Variants in TMEM44 observed in about 807,000 individuals in gnomAD.
TMEM44 encodes transmembrane protein 44.
In TMEM44, 43 loss-of-function variants were observed where a neutral mutation model predicts 47.8. The observed-to-expected ratio is 0.90, with a 90% CI of 0.70 to 1.16. TMEM44 has a LOEUF of 1.16. Among genes scored for constraint, TMEM44 ranks in the 50% most tolerant of loss-of-function variants. TMEM44 has a pLI of 0.00. For missense variants in TMEM44, 568 were observed against 555.2 expected (o/e 1.02, Z -0.23); for synonymous variants, 277 against 238.8 (o/e 1.16, Z -1.48).
chr3:194,598,961 G>C (rs952447885), intron 9 of TMEM44, among the ~76,000 whole-genome samples: 2 of 152,222 alleles, frequency 1.3e-5, no homozygotes, highest in Non-Finnish European at 2.9e-5. Flanking sequence ...GAGTTGGTGA[G>C]TAACAGACAG....
chr3:194,604,661 C>T (rs1714579073), intron 8 of TMEM44, among the ~76,000 whole-genome samples: 1 of 152,214 alleles, frequency 6.6e-6, no homozygotes, highest in Non-Finnish European at 1.5e-5. Context: ...ACACATACAA[C>T]CAAATCCACG....
At position 194,633,189 on chromosome 3, in the gene TMEM44, G is replaced by C. The variant is rs368934218; in HGVS notation, c.27C>G (p.Pro9=). ...CCAGGTAGTCCCAGTCCCAGAGCGC[G>C]GGCGCGGGGCTGGGCGCCTCCCCCA... The part of the protein sequence containing the change: MGEAPSPA[P]ALWDWDYLDR... Residue 9 remains proline, a synonymous_variant, in exon 1 of 10, where the codon CCC becomes CCG. Coordinates refer to ENST00000347147, the MANE Select transcript of TMEM44 (RefSeq NM_001011655.3). The C allele has an allele frequency of 2.6e-6, 4 of 1,528,060 alleles. No individual in the cohort carries two copies. Among genetic ancestry groups the C allele is most frequent in the Non-Finnish European group, 3.5e-6 (4 of 1,137,334 alleles). 94.7% of individuals were successfully genotyped at this position (1,528,060 alleles called of 1,614,324 possible).
At chr3:194,594,129 A>G (rs534055104) in intron 9 of TMEM44, among the ~76,000 whole-genome samples, 2,173 of 121,692 alleles carry the variant, frequency 0.018, 31 homozygotes, top group African/African-American at 0.04. Flanking sequence ...CTATCTATCT[A>G]TCTATCTATC....
chr3:194,614,053 C>T lies in TMEM44; in HGVS notation c.912+1516G>A, dbSNP rs1026131177. ...AGGAGAATCGCTTGAACCCGGGAGG[C>T]GGAGGTTGTGGTGAGCCGAGATCGT... On this transcript the variant is annotated intron_variant, in intron 7 of 9. Transcript: ENST00000347147. Among the ~76,000 whole-genome samples the T allele has an allele frequency of 3.3e-5, 5 of 151,934 alleles. No homozygotes were observed. In the East Asian group the frequency reaches 5.9e-4, roughly 18 times the overall value.
chr3:194,605,445 G>T (rs923389461), intron 8 of TMEM44, among the ~76,000 whole-genome samples: 5 of 152,348 alleles, frequency 3.3e-5, no homozygotes, highest in East Asian at 1.9e-4. Flanking sequence ...AGGTTTAATG[G>T]ACTTACAGTT....
chr3:194,624,095 G>T (rs1187899652), intron 3 of TMEM44, among the ~76,000 whole-genome samples: 1 of 152,214 alleles, frequency 6.6e-6, no homozygotes, highest in African/African-American at 2.4e-5. Flanking sequence ...ATCGACCCGT[G>T]AATCAGCGAT....
chr3:194,597,804 C>T (rs1376844929), intron 9 of TMEM44, among the ~76,000 whole-genome samples: 1 of 152,170 alleles, frequency 6.6e-6, no homozygotes, highest in Non-Finnish European at 1.5e-5. Flanking sequence ...AATGGGATAT[C>T]CTCAGCAGTT....
At chr3:194,617,670 G>A (rs116803428) in intron 5 of TMEM44, 10,720 of 703,948 alleles carry the variant, frequency 0.015, 124 homozygotes, top group Middle Eastern at 0.027. Context: ...CTGGGCAGCG[G>A]CTCGCCAATG....
intron 8 of TMEM44, among the ~76,000 whole-genome samples, chr3:194,609,686 G>A (rs1048142907): frequency 6.6e-6 from 1 of 151,506 alleles, no homozygotes; most frequent in African/African-American, 2.4e-5. Context: ...TCCCTCACCC[G>A]CACCTCCTCA....
rs575171230 is a variant in TMEM44 at position 194,614,318 on chromosome 3, G to A, written c.912+1251C>T. Among the ~76,000 whole-genome samples, 7 of 152,302 alleles carry A rather than the reference G, an allele frequency of 4.6e-5. No individual in the cohort carries two copies. In the South Asian group the frequency reaches 1.2e-3, roughly 27 times the overall value. ...GCATGACGACAGGCTCTGGAGCACC[G>A]TGTTAGGTGGTGGTAATGATGTGGA... is the stretch of plus-strand genomic sequence containing the variant. On this transcript the variant is annotated intron_variant, in intron 7 of 9. Coordinates refer to ENST00000347147, the MANE Select transcript of TMEM44 (RefSeq NM_001011655.3).
intron 6 of TMEM44, 139 bp from the exon 7 acceptor site, chr3:194,615,836 G>A: frequency 8.3e-7 from 1 of 1,202,406 alleles, no homozygotes; most frequent in Non-Finnish European, 1.2e-6. Context: ...GCCTGGGACA[G>A]AGAGGAGCTC....
intron 9 of TMEM44, among the ~76,000 whole-genome samples, chr3:194,593,426 TGAG>T (rs1473400907): frequency 2.0e-5 from 3 of 152,206 alleles, no homozygotes; most frequent in African/African-American, 7.2e-5. Context: ...ACCACATGGC[TGAG>T]ATGATTCAAC....
intron 8 of TMEM44, 136 bp from the exon 9 acceptor site, chr3:194,604,581 G>T: frequency 8.5e-7 from 1 of 1,169,910 alleles, no homozygotes; most frequent in Non-Finnish European, 1.2e-6. Flanking sequence ...GTGCTCTCCT[G>T]CCCTGGCCAT....
intron 7 of TMEM44, among the ~76,000 whole-genome samples, 171 bp downstream of exon 7, chr3:194,615,398 T>C (rs953279422): frequency 2.6e-5 from 4 of 152,174 alleles, no homozygotes; most frequent in Non-Finnish European, 5.9e-5. Context: ...TGTCATGTGT[T>C]AGGTTTGGCC....
At chr3:194,617,579 A>G in intron 5 of TMEM44, 1 of 683,194 alleles carries the variant, frequency 1.5e-6, no homozygotes, top group South Asian at 1.6e-5. Context: ...TTGATTGATC[A>G]TGACTCAGCT....
intron 9 of TMEM44, among the ~76,000 whole-genome samples, chr3:194,602,027 C>T (rs1244423330): frequency 6.6e-6 from 1 of 152,226 alleles, no homozygotes; most frequent in African/African-American, 2.4e-5. Context: ...CCATCATGCT[C>T]ACTCCGGTCC....
chr3:194,628,772 G>A (rs946339532), intron 1 of TMEM44, among the ~76,000 whole-genome samples: 1 of 152,090 alleles, frequency 6.6e-6, no homozygotes, highest in East Asian at 1.9e-4. Flanking sequence ...TTTACTTTCC[G>A]ACTCCAAATC....
At position 194,602,240 on chromosome 3, in the gene TMEM44, C is replaced by T. The variant is rs147533304; in HGVS notation, c.1176+2047G>A. On this transcript the variant is annotated intron_variant, in intron 9 of 9. Transcript: ENST00000347147. ...GCTCCAGGGTGCAGGGACAGAGAGA[C>T]GCAAAGGCAACCCAGGCCGCTGTGG... Among the ~76,000 whole-genome samples the T allele has an allele frequency of 2.6e-3, 391 of 152,354 alleles. 1 individual carries two copies. Among genetic ancestry groups the T allele is most frequent in the Non-Finnish European group, 4.8e-3 (329 of 68,032 alleles).
intron 5 of TMEM44, among the ~76,000 whole-genome samples, chr3:194,619,114 G>T (rs1318802000): frequency 6.6e-6 from 1 of 152,238 alleles, no homozygotes; most frequent in Non-Finnish European, 1.5e-5. Context: ...CTGGGCCTGG[G>T]CCTCCTGCCT....
Sources: gnomAD v4.1 joint callset for allele counts (sites outside exome capture counted in the v4.1 genomes callset) on GRCh38, gnomAD v4.1.1 for gene constraint, MANE v1.5 for transcripts, NCBI Gene and HGNC (gene_info 2026-07-23, HGNC 2026-07-21) for gene names.